Variants in PHLPP2 observed in about 807,000 individuals in gnomAD.
The protein encoded by PHLPP2 is PH domain and leucine rich repeat protein phosphatase 2, also known as PH domain leucine-rich repeat-containing protein phosphatase 2.
PHLPP2 carries 66 observed loss-of-function variants against 124.9 expected under a neutral mutation model. The ratio of observed to expected loss-of-function variants is 0.53; its 90% CI spans 0.43 to 0.65. PHLPP2 has a LOEUF of 0.65. Among genes scored for constraint, PHLPP2 ranks in the 30% least tolerant of loss-of-function variants. PHLPP2 has a pLI of 0.00. For synonymous variants in PHLPP2, 681 were observed against 624.7 expected (o/e 1.09, Z -1.34); for missense variants, 1,685 against 1,600.4 (o/e 1.05, Z -0.90).
At chr16:71,657,836 T>C (rs1281329627) in intron 15 of PHLPP2, among the ~76,000 whole-genome samples, 2 of 150,980 alleles carry the variant, frequency 1.3e-5, no homozygotes, top group Non-Finnish European at 3.0e-5. Context: ...GGGGTAGGAG[T>C]TTCAATAAAA....
At chr16:71,711,149 G>A (rs1003153668) in intron 2 of PHLPP2, among the ~76,000 whole-genome samples, 1 of 152,082 alleles carries the variant, frequency 6.6e-6, no homozygotes, top group South Asian at 2.1e-4. Flanking sequence ...GCCCAATATG[G>A]AGAAACCCCG....
chr16:71,715,387 A>G (rs544708766), intron 1 of PHLPP2: 2 of 152,074 alleles, frequency 1.3e-5, no homozygotes, highest in Non-Finnish European at 2.9e-5. Context: ...AGAAATTTTA[A>G]TATTTTGCCT....
At position 71,649,894 on chromosome 16, in the gene PHLPP2, G is replaced by T; in HGVS notation, c.2968C>A (p.His990Asn). The T allele has an allele frequency of 1.2e-6, 2 of 1,614,230 alleles. No homozygotes were observed. The highest frequency in any genetic ancestry group is 2.2e-5 in the South Asian group (2 of 91,088). ...TTGACAGCTTCTGTGTAGGACAAGT[G>T]TTCCCACAATGCTTTGTTTCCCAGA... ...LILGNKALWE[H>N]LSYTEAVNAV... The change falls in exon 19 of 19, where the codon CAC becomes AAC. Residue 990 changes from histidine to asparagine, a missense_variant. Coordinates refer to ENST00000568954, the MANE Select transcript of PHLPP2 (RefSeq NM_015020.3).
At chr16:71,667,042 A>G (rs993598868) in intron 12 of PHLPP2, 136 bp downstream of exon 12, 8 of 615,668 alleles carry the variant, frequency 1.3e-5, no homozygotes, top group South Asian at 3.3e-5. Flanking sequence ...AAAATTGCAA[A>G]TAAGTCTCCA....
intron 18 of PHLPP2, among the ~76,000 whole-genome samples, chr16:71,651,295 G>A (rs1461852566): frequency 2.6e-5 from 4 of 151,154 alleles, no homozygotes; most frequent in Non-Finnish European, 4.4e-5. Flanking sequence ...CCAAGATCAC[G>A]CCATTGCACT....
intron 15 of PHLPP2, 65 bp from the exon 16 acceptor site, chr16:71,656,746 A>C: frequency 1.0e-6 from 1 of 981,818 alleles, no homozygotes. Flanking sequence ...TATCCCAACA[A>C]TAGTATTCTT....
At position 71,656,097 on chromosome 16, in the gene PHLPP2, T is replaced by C. The variant is rs148514541; in HGVS notation, c.2390+474A>G. Among the ~76,000 whole-genome samples the C allele has an allele frequency of 2.0e-4, 31 of 152,224 alleles. No individual in the cohort carries two copies. The East Asian group carries it at 4.4e-3, about 22-fold the overall frequency. On this transcript the variant is annotated intron_variant, in intron 16 of 18. Coordinates refer to ENST00000568954, the MANE Select transcript of PHLPP2 (RefSeq NM_015020.3). ...AAAAAGTTGAGTTTATTACCCCTTA[T>C]AGCAAATGAGAGTGCACCCCATGGA...
Position 71,649,884 on chromosome 16 carries a change from T to C in PHLPP2, c.2978A>G (p.Tyr993Cys), listed in dbSNP as rs1200560323. The change falls in exon 19 of 19, where the codon TAC (tyrosine) becomes TGC (cysteine). Residue 993 changes from tyrosine to cysteine, a missense_variant. Physicochemically the swap from Tyr to Cys is radical, Grantham distance 194. Coordinates refer to ENST00000568954, the MANE Select transcript of PHLPP2 (RefSeq NM_015020.3). ...ACGTACAGCATTGACAGCTTCTGTG[T>C]AGGACAAGTGTTCCCACAATGCTTT... ...GNKALWEHLS[Y>C]TEAVNAVRHV... 2.5e-6 allele frequency: 4 copies of C among 1,614,270 alleles called. No homozygotes were observed. The highest frequency in any genetic ancestry group is 2.2e-5 in the South Asian group (2 of 91,088).
chr16:71,690,566 C>T lies in PHLPP2; in HGVS notation c.562G>A (p.Asp188Asn), dbSNP rs749829092. The T allele has an allele frequency of 2.5e-6, 4 of 1,613,050 alleles. No individual in the cohort carries two copies. The highest frequency in any genetic ancestry group is 2.5e-6 in the Non-Finnish European group (3 of 1,179,478). ...ATGTGCATCTTTCCAGTTTGACAATCCTTCACTGAGGAAACGATAAGGCAG... is the reference window on the plus strand; with the variant it reads ...ATGTGCATCTTTCCAGTTTGACAATTCTTCACTGAGGAAACGATAAGGCAG... ...GTCLIVSSVK[D>N]CQTGKMHILP... The change falls in exon 4 of 19, where the codon GAT becomes AAT. Residue 188 changes from aspartate (D) to asparagine (N), a missense_variant. By Grantham distance (23) the Asp-to-Asn change is conservative (BLOSUM62 1). Transcript: ENST00000568954.
At chr16:71,689,385 CTTTTTTT>C (rs57755507) in intron 4 of PHLPP2, among the ~76,000 whole-genome samples, 2 of 62,528 alleles carry the variant, frequency 3.2e-5, no homozygotes, top group Non-Finnish European at 5.9e-5. Context: ...CTACACCTGG[CTTTTTTT>C]TTTTTTTTTT....
intron 2 of PHLPP2, among the ~76,000 whole-genome samples, chr16:71,710,284 T>C (rs1179225980): frequency 6.6e-6 from 1 of 152,200 alleles, no homozygotes; most frequent in Non-Finnish European, 1.5e-5. Context: ...AGGGTAGATT[T>C]AGTTTCACCA....
At chr16:71,717,692 T>C (rs567088971) in intron 1 of PHLPP2, among the ~76,000 whole-genome samples, 2 of 152,300 alleles carry the variant, frequency 1.3e-5, no homozygotes, top group East Asian at 1.9e-4. Flanking sequence ...TTGGGAAAGA[T>C]TAACTGGACC....
At chr16:71,663,050 G>C (rs2044805881) in intron 13 of PHLPP2, among the ~76,000 whole-genome samples, 1 of 152,070 alleles carries the variant, frequency 6.6e-6, no homozygotes, top group African/African-American at 2.4e-5. Flanking sequence ...GCTCTGTGCA[G>C]TGTGACCGGC....
chr16:71,682,851 CT>C lies in PHLPP2; in HGVS notation c.736-947del, dbSNP rs1248942973. Among the ~76,000 whole-genome samples the C allele has an allele frequency of 2.0e-5, 3 of 152,002 alleles. No homozygotes were observed. The East Asian group carries it at 5.8e-4, about 29-fold the overall frequency. ...TATAATATGGGTTATAAAAATTGATCTAAAAAAAGAAACAATATATCACTAG... is the reference window on the plus strand; with the variant it reads ...TATAATATGGGTTATAAAAATTGATCAAAAAAAGAAACAATATATCACTAG... On this transcript the variant is annotated intron_variant, in intron 5 of 18. Transcript: ENST00000568954.
At chr16:71,676,979 G>C (rs1399089946) in intron 8 of PHLPP2, 1 of 283,260 alleles carries the variant, frequency 3.5e-6, no homozygotes, top group Non-Finnish European at 6.8e-6. Context: ...CCTAACCTCA[G>C]ATGATCTGCC....
intron 1 of PHLPP2, 109 bp from the exon 2 acceptor site, chr16:71,714,910 A>C: frequency 3.0e-6 from 4 of 1,352,166 alleles, no homozygotes; most frequent in Non-Finnish European, 3.9e-6. Context: ...CATTCTGCTC[A>C]AGTATCCCCT....
intron 17 of PHLPP2, among the ~76,000 whole-genome samples, chr16:71,653,786 C>T (rs1157267300): frequency 1.3e-5 from 2 of 152,154 alleles, no homozygotes; most frequent in Non-Finnish European, 2.9e-5. Context: ...AAGTCTCTAG[C>T]TCAATTATAC....
At chr16:71,675,147 T>G (rs1038291536) in intron 9 of PHLPP2, among the ~76,000 whole-genome samples, 1 of 152,214 alleles carries the variant, frequency 6.6e-6, no homozygotes, top group Non-Finnish European at 1.5e-5. Flanking sequence ...ACTGTCACAT[T>G]ACTCTCTGGG....
chr16:71,712,685 C>G (rs1173235756), intron 2 of PHLPP2, among the ~76,000 whole-genome samples: 1 of 152,192 alleles, frequency 6.6e-6, no homozygotes, highest in East Asian at 1.9e-4. Flanking sequence ...ACAAGGAAAA[C>G]ATTCAAATGC....
Sources: gnomAD v4.1 joint callset for allele counts (sites outside exome capture counted in the v4.1 genomes callset) on GRCh38, gnomAD v4.1.1 for gene constraint, MANE v1.5 for transcripts, NCBI Gene and HGNC (gene_info 2026-07-23, HGNC 2026-07-21) for gene names.